Variants in ZNF605 observed in about 807,000 individuals in gnomAD.
ZNF605 encodes the protein zinc finger protein 605.
A neutral mutation model predicts 7.9 loss-of-function variants in ZNF605; 9 were observed. The observed-to-expected ratio is 1.14, with a 90% CI of 0.68 to 1.98. The LOEUF (loss-of-function observed/expected upper bound fraction) is 1.98. Ranked by LOEUF, ZNF605 falls within the 30% of genes most tolerant of loss-of-function variation. The pLI, the probability that ZNF605 is intolerant of heterozygous loss-of-function variation, is 0.00. For missense variants in ZNF605, 673 were observed against 762.4 expected (o/e 0.88, Z 1.38); for synonymous variants, 255 against 260.1 (o/e 0.98, Z 0.19).
In ZNF605 at chr12:132,925,756, C is replaced by A. The variant is rs1194707418; in HGVS notation, c.1543G>T (p.Ala515Ser). 6.2e-7 allele frequency: 1 copy of A among 1,613,796 alleles called. No individual in the cohort carries two copies. Among genetic ancestry groups the A allele is most frequent in the South Asian group, 1.1e-5 (1 of 91,062 alleles). Reference sequence around the variant, plus strand: ...TGCCTAAGAAGCTGTGGCTTCCAGGCAAAAGCTTTCCTACATTCACTACAT... The same window carrying A: ...TGCCTAAGAAGCTGTGGCTTCCAGGAAAAAGCTTTCCTACATTCACTACAT... Reference protein sequence around the residue: ...FECSECRKAFAWKPQLLRHQR... With the variant: ...FECSECRKAFSWKPQLLRHQR... The change falls in exon 5 of 5, where the codon GCC (alanine) becomes TCC (serine). Residue 515 changes from alanine (A) to serine (S), a missense_variant. Ala to Ser is a moderately conservative substitution (Grantham distance 99, BLOSUM62 1). Transcript: ENST00000360187.
intron 1 of ZNF605, among the ~76,000 whole-genome samples, chr12:132,951,804 C>A (rs1408778020): frequency 6.6e-6 from 1 of 151,890 alleles, no homozygotes; most frequent in Non-Finnish European, 1.5e-5. Flanking sequence ...GTACATCACA[C>A]ATCACACACA....
chr12:132,939,857 A>C (rs1334776276), intron 3 of ZNF605, among the ~76,000 whole-genome samples: 9 of 150,492 alleles, frequency 6.0e-5, no homozygotes, highest in Non-Finnish European at 1.0e-4. Flanking sequence ...AGCCAGCGAG[A>C]CCACGAGCCC....
chr12:132,938,564 G>C (rs898122313), intron 3 of ZNF605, among the ~76,000 whole-genome samples: 18 of 152,320 alleles, frequency 1.2e-4, no homozygotes, highest in African/African-American at 4.1e-4. Context: ...GCCTCCCGAA[G>C]TGCTGGTGAG....
chr12:132,937,173 A>T (rs1005494333), intron 3 of ZNF605, among the ~76,000 whole-genome samples: 4 of 152,166 alleles, frequency 2.6e-5, no homozygotes, highest in Admixed American at 6.5e-5. Context: ...AGCCTGGCCA[A>T]CATGGTGAAA....
chr12:132,940,682 C>T (rs1051237986), intron 3 of ZNF605, among the ~76,000 whole-genome samples: 7 of 152,118 alleles, frequency 4.6e-5, no homozygotes, highest in Admixed American at 1.3e-4. Context: ...ATCAGGCCGC[C>T]GGCCAGCCTC....
rs1330985356 is a variant in ZNF605 at position 132,926,712 on chromosome 12, G to A, written c.587C>T (p.Pro196Leu). The A allele has an allele frequency of 6.8e-6, 11 of 1,613,972 alleles. No homozygotes were observed. Among genetic ancestry groups the A allele is most frequent in the Non-Finnish European group, 9.3e-6 (11 of 1,180,004 alleles). The stretch of plus-strand genomic sequence containing the variant: ...TTTTCCACACTCACTGCATTGATAG[G>A]GCTTCTCTCCTGTATGAGTTCTCTG... Reference protein sequence around the residue: ...IHQRTHTGEKPYQCSECGKAF... With the variant: ...IHQRTHTGEKLYQCSECGKAF... The change falls in exon 5 of 5, where the codon CCC (proline) becomes CTC (leucine). Residue 196 changes from proline to leucine, a missense_variant. Physicochemically the swap from Pro to Leu is moderately conservative, Grantham distance 98. Transcript: ENST00000360187.
At chr12:132,951,232 TAC>T in intron 1 of ZNF605, among the ~76,000 whole-genome samples, 1 of 145,542 alleles carries the variant, frequency 6.9e-6, no homozygotes, top group African/African-American at 2.6e-5. Flanking sequence ...ACATCACACA[TAC>T]ACTCAGACAC....
chr12:132,929,806 G>T (rs972955747), intron 4 of ZNF605, among the ~76,000 whole-genome samples: 6 of 151,402 alleles, frequency 4.0e-5, no homozygotes, highest in African/African-American at 1.4e-4. Flanking sequence ...ATAGCTGGGC[G>T]TGGTGGTGTG....
chr12:132,952,982 C>G (rs1385777744), intron 1 of ZNF605, among the ~76,000 whole-genome samples: 1 of 152,082 alleles, frequency 6.6e-6, no homozygotes, highest in Non-Finnish European at 1.5e-5. Flanking sequence ...ACCCCAGACA[C>G]AAACCACTGA....
chr12:132,943,051 G>T (rs1952459826), intron 3 of ZNF605, among the ~76,000 whole-genome samples: 1 of 152,138 alleles, frequency 6.6e-6, no homozygotes, highest in Non-Finnish European at 1.5e-5. Flanking sequence ...GAGTCAAGGA[G>T]TTCAGCTCCT....
intron 2 of ZNF605, 105 bp from the exon 3 acceptor site, chr12:132,945,902 A>G: frequency 1.7e-6 from 1 of 605,084 alleles, no homozygotes; most frequent in Non-Finnish European, 2.9e-6. Context: ...GTCTCGAACT[A>G]GATGTTGGGT....
chr12:132,926,375 G>C lies in ZNF605; in HGVS notation c.924C>G (p.Pro308=), dbSNP rs1952247910. 1.2e-6 allele frequency: 2 copies of C among 1,614,134 alleles called. No individual in the cohort carries two copies. The part of the protein sequence containing the change: ...THQRAHTGEK[P]YPCSHCGKAF... ...CTTTTCCACAGTGACTACATGGATA[G>C]GGTTTCTCTCCTGTGTGCGCTCTCT... is the stretch of plus-strand genomic sequence containing the variant. The change falls in exon 5 of 5, where the codon CCC becomes CCG. Residue 308 remains proline, a synonymous_variant. Transcript: ENST00000360187.
chr12:132,937,763 T>C (rs1036731038), intron 3 of ZNF605, among the ~76,000 whole-genome samples: 5 of 151,774 alleles, frequency 3.3e-5, no homozygotes, highest in Non-Finnish European at 7.4e-5. Context: ...TGCAGATGAA[T>C]GCTTTATTCA....
At chr12:132,950,705 A>G (rs993877594) in intron 1 of ZNF605, among the ~76,000 whole-genome samples, 6 of 106,586 alleles carry the variant, frequency 5.6e-5, no homozygotes, top group African/African-American at 1.7e-4. Flanking sequence ...ACAGACATGC[A>G]CACACACTCA....
rs753138509 is a variant in ZNF605, at chr12:132,925,630, CTG to C, written c.1667_1668del (p.Thr556ArgfsTer16). 1.2e-6 allele frequency: 2 copies of C among 1,614,170 alleles called. No individual in the cohort carries two copies. The highest frequency in any genetic ancestry group is 1.7e-6 in the Non-Finnish European group (2 of 1,180,020). On this transcript the variant is annotated frameshift_variant, in exon 5 of 5. Coordinates refer to ENST00000360187, the MANE Select transcript of ZNF605 (RefSeq NM_183238.4). LOFTEE classifies it low-confidence loss of function (END_TRUNC). ...TCGCTGCATCCATAGGTTTTCTCTC[CTG>C]TGTGATTTCTTTGATGCTTAATGAG... ...VQLIKHQRNH[T>X]GEKTYGCSDC...
rs1222703896 is a variant in ZNF605 at position 132,925,728 on chromosome 12, T to C, written c.1571A>G (p.Gln524Arg). The C allele has an allele frequency of 1.2e-6, 2 of 1,614,038 alleles. No individual in the cohort carries two copies. The highest frequency in any genetic ancestry group is 1.7e-5 in the Admixed American group (1 of 60,000). Residue 524 changes from glutamine to arginine, a missense_variant, in exon 5 of 5, where the codon CAG (glutamine) becomes CGG (arginine). Transcript: ENST00000360187. ...GGGTTTCTCCCCTGTATGAATTCTC[T>C]GATGCCTAAGAAGCTGTGGCTTCCA... ...FAWKPQLLRH[Q>R]RIHTGEKPYE...
chr12:132,953,530 A>C (rs747202314), intron 1 of ZNF605, among the ~76,000 whole-genome samples: 2 of 152,118 alleles, frequency 1.3e-5, no homozygotes, highest in Non-Finnish European at 1.5e-5. Flanking sequence ...GGGTTCAAGC[A>C]ATTCTCCTGC....
Position 132,942,619 on chromosome 12 carries a change from C to T in ZNF605, c.15+3002G>A, listed in dbSNP as rs113937268. 9.9e-3 allele frequency among the ~76,000 whole-genome samples: 1,506 copies of T among 152,302 alleles called. 14 individuals are homozygous for T. Among genetic ancestry groups the T allele is most frequent in the African/African-American group, 0.031 (1,295 of 41,558 alleles). On this transcript the variant is annotated intron_variant, in intron 3 of 4. Transcript: ENST00000360187. ...CCTCACAACCTGAGGCGTGCGTGCC[C>T]GGCTGGGGCACCTGACCTTGTGAAT...
At chr12:132,947,931 C>T (rs1952511070) in intron 2 of ZNF605, among the ~76,000 whole-genome samples, 1 of 152,048 alleles carries the variant, frequency 6.6e-6, no homozygotes, top group Non-Finnish European at 1.5e-5. Flanking sequence ...CCTCAGGTAC[C>T]CCTTGGAAAC....
Sources: gnomAD v4.1 joint callset for allele counts (sites outside exome capture counted in the v4.1 genomes callset) on GRCh38, gnomAD v4.1.1 for gene constraint, MANE v1.5 for transcripts, NCBI Gene and HGNC (gene_info 2026-07-23, HGNC 2026-07-21) for gene names.